Variants in ADHFE1 observed in about 807,000 individuals in gnomAD.
ADHFE1 encodes the protein alcohol dehydrogenase iron containing 1.
Under a neutral mutation model 54.8 loss-of-function variants are expected in ADHFE1, and 37 were observed. The ratio of observed to expected loss-of-function variants is 0.68; its 90% CI spans 0.52 to 0.89. The LOEUF is 0.89. ADHFE1 is among the 40% of genes least tolerant of loss of function. ADHFE1 has a pLI of 0.00. For missense variants in ADHFE1, 601 were observed against 591.2 expected, an observed-to-expected ratio of 1.02 and a Z score of -0.17; for synonymous variants, 203 against 229.3, an observed-to-expected ratio of 0.89 and a Z score of 1.04.
At chr8:66,441,904 G>A (rs1174519435) in intron 2 of ADHFE1, among the ~76,000 whole-genome samples, 4 of 151,304 alleles carry the variant, frequency 2.6e-5, no homozygotes, top group Admixed American at 1.3e-4. Context: ...CCTGGGAGGC[G>A]GAGGTTGCAG....
intron 13 of ADHFE1, among the ~76,000 whole-genome samples, chr8:66,467,027 G>GA (rs11343824): frequency 6.6e-6 from 1 of 151,818 alleles, no homozygotes; most frequent in South Asian, 2.1e-4. Context: ...GTTTATACTG[G>GA]AAAAAAATCA....
intron 1 of ADHFE1, among the ~76,000 whole-genome samples, chr8:66,438,327 A>G (rs562823267): frequency 6.6e-6 from 1 of 152,224 alleles, no homozygotes; most frequent in African/African-American, 2.4e-5. Context: ...AATGAGCTCT[A>G]AAGGGTGAGG....
chr8:66,447,327 TGAAAGTA>T lies in ADHFE1; in HGVS notation c.615_621del (p.Val207LeufsTer14). 1 of 1,613,270 alleles carries T rather than the reference TGAAAGTA, an allele frequency of 6.2e-7. No individual in the cohort carries two copies. The highest frequency in any genetic ancestry group is 8.5e-7 in the Non-Finnish European group (1 of 1,179,378). On this transcript the variant is annotated frameshift_variant, in exon 7 of 14. Transcript: ENST00000396623. LOFTEE classifies it high-confidence loss of function. ...GTTGCCATTTTTGACTATGAACACT[TGAAAGTA>T]AAAATTGGTAAGAACCATACTTTTG... is the stretch of plus-strand genomic sequence containing the variant.
rs1365713635 is a variant in ADHFE1, at chr8:66,444,578, A to G, written c.199-16A>G. 6.2e-7 allele frequency: 1 copy of G among 1,613,826 alleles called. No individual in the cohort carries two copies. Among genetic ancestry groups the G allele is most frequent in the Non-Finnish European group, 8.5e-7 (1 of 1,179,890 alleles). On this transcript the variant is annotated splice_polypyrimidine_tract_variant and intron_variant, in intron 4 of 13. Transcript: ENST00000396623. ...GTTCTAGTGGAGTTGAACCTAACTTATAGGTTTTCTTGTAGGACCTAAAAA... is the reference window on the plus strand; with the variant it reads ...GTTCTAGTGGAGTTGAACCTAACTTGTAGGTTTTCTTGTAGGACCTAAAAA...
chr8:66,466,955 T>C (rs994978746), intron 13 of ADHFE1, among the ~76,000 whole-genome samples: 6 of 152,178 alleles, frequency 3.9e-5, no homozygotes, highest in African/African-American at 1.2e-4. Flanking sequence ...GAGGCCATGG[T>C]TTTGTTGTAA....
intron 13 of ADHFE1, among the ~76,000 whole-genome samples, chr8:66,463,872 G>A (rs1807032782): frequency 6.6e-6 from 1 of 152,206 alleles, no homozygotes; most frequent in Admixed American, 6.5e-5. Context: ...ACCAAACACA[G>A]CCCATACTGG....
chr8:66,433,034 T>A, intron 1 of ADHFE1: 1 of 380,958 alleles, frequency 2.6e-6, no homozygotes, highest in Non-Finnish European at 3.6e-6. Flanking sequence ...AAACCGGCTA[T>A]AGCAGACTGG....
In ADHFE1 at chr8:66,457,096, G is replaced by A. The variant is rs369147635; in HGVS notation, c.1092G>A (p.Thr364=). Reference sequence around the variant, plus strand: ...CCCATGGCCTTTCTGTGGTGCTCACGTCCCCAGCGGTGTTCACTTTCACGG... The same window carrying A: ...CCCATGGCCTTTCTGTGGTGCTCACATCCCCAGCGGTGTTCACTTTCACGG... ...LVPHGLSVVL[T]SPAVFTFTAQ... is the part of the protein sequence containing the mutation. Residue 364 remains threonine, a synonymous_variant, in exon 12 of 14, where the codon ACG becomes ACA. Coordinates refer to ENST00000396623, the MANE Select transcript of ADHFE1 (RefSeq NM_144650.3). The A allele has an allele frequency of 8.7e-6, 14 of 1,613,400 alleles. No individual in the cohort carries two copies. The East Asian group carries it at 8.9e-5, about 10-fold the overall frequency.
chr8:66,455,009 G>T (rs1461766405), intron 10 of ADHFE1, among the ~76,000 whole-genome samples: 1 of 152,136 alleles, frequency 6.6e-6, no homozygotes, highest in South Asian at 2.1e-4. Flanking sequence ...GAGCCACCAC[G>T]CCCAGCCTAC....
intron 1 of ADHFE1, among the ~76,000 whole-genome samples, chr8:66,434,793 C>A (rs1227101679): frequency 2.0e-5 from 3 of 152,216 alleles, no homozygotes; most frequent in African/African-American, 7.2e-5. Flanking sequence ...TGGGAAGGCC[C>A]TGGAGGGCAA....
chr8:66,446,123 T>C (rs187037385), intron 6 of ADHFE1, among the ~76,000 whole-genome samples: 50 of 152,282 alleles, frequency 3.3e-4, no homozygotes, highest in African/African-American at 1.1e-3. Flanking sequence ...TCCTGCCCTA[T>C]TGTGAAGAGG....
At position 66,443,264 on chromosome 8, in the gene ADHFE1, ATTTTTTTTTTTTTTTTTTTT is replaced by A. The variant is rs540464621; in HGVS notation, c.144+433_144+452del. 3.5e-5 allele frequency among the ~76,000 whole-genome samples: 3 copies of A among 86,094 alleles called. No homozygotes were observed. The South Asian group carries it at 1.1e-3, about 31-fold the overall frequency. The allele number at this position is 86,094 out of a possible 152,430, so 56.5% of individuals were successfully genotyped here. On this transcript the variant is annotated intron_variant, in intron 3 of 13. Transcript: ENST00000396623. Reference sequence around the variant, plus strand: ...GTCCCTGTCTCCTCCTAGTCCAGGAATTTTTTTTTTTTTTTTTTTTTTTTTTTTTTTTGGAGACAGCCTCA... The same window carrying A: ...GTCCCTGTCTCCTCCTAGTCCAGGAATTTTTTTTTTTTGGAGACAGCCTCA...
At chr8:66,451,794 C>T (rs1806315457) in intron 8 of ADHFE1, among the ~76,000 whole-genome samples, 159 bp from the exon 9 acceptor site, 1 of 152,080 alleles carries the variant, frequency 6.6e-6, no homozygotes, top group Non-Finnish European at 1.5e-5. Context: ...CTGTTGCAGG[C>T]AAGAGGTGGG....
chr8:66,452,833 A>G (rs1008635622), intron 9 of ADHFE1, among the ~76,000 whole-genome samples: 2 of 152,254 alleles, frequency 1.3e-5, no homozygotes, highest in African/African-American at 4.8e-5. Flanking sequence ...GCAAAGATAT[A>G]CTTAGGATGA....
At chr8:66,450,480 A>AGGAGTTACCT (rs1463147345) in intron 8 of ADHFE1, among the ~76,000 whole-genome samples, 1 of 152,254 alleles carries the variant, frequency 6.6e-6, no homozygotes, top group Non-Finnish European at 1.5e-5. Context: ...GCCATGTATT[A>AGGAGTTACCT]AATCTTCGAG....
rs1044701069 is a variant in ADHFE1, at chr8:66,444,779, A to G, written c.353+31A>G. 1.9e-6 allele frequency: 3 copies of G among 1,612,018 alleles called. No individual in the cohort carries two copies. In the Admixed American group the frequency reaches 5.0e-5, roughly 27 times the overall value. On this transcript the variant is annotated intron_variant, in intron 5 of 13. Transcript: ENST00000396623. ...CTTGTATTGTTGTTATTGTTTCTTT[A>G]CTTTAAGCAGAAGCTAACTGTTGAT... is the stretch of plus-strand genomic sequence containing the variant.
intron 8 of ADHFE1, among the ~76,000 whole-genome samples, chr8:66,449,442 C>T (rs145911705): frequency 3.7e-4 from 57 of 152,354 alleles, no homozygotes; most frequent in African/African-American, 1.3e-3. Flanking sequence ...CCAGAGCACC[C>T]CCAGACCATG....
At chr8:66,450,485 T>C (rs1462893432) in intron 8 of ADHFE1, among the ~76,000 whole-genome samples, 1 of 152,208 alleles carries the variant, frequency 6.6e-6, no homozygotes, top group African/African-American at 2.4e-5. Context: ...GTATTAAATC[T>C]TCGAGGTAAC....
At position 66,460,488 on chromosome 8, in the gene ADHFE1, A is replaced by G. The variant is rs1190473782; in HGVS notation, c.1320+23A>G. On this transcript the variant is annotated intron_variant, in intron 13 of 13. Coordinates refer to ENST00000396623, the MANE Select transcript of ADHFE1 (RefSeq NM_144650.3). The stretch of plus-strand genomic sequence containing the variant: ...CAGGTAAGAGACCGGCAGGCTCCTC[A>G]CTCCCTGCGAAGGAGCCTAGCGCCT... 5 of 1,549,124 alleles carry G rather than the reference A, an allele frequency of 3.2e-6. No individual in the cohort carries two copies. In the African/African-American group the frequency reaches 5.5e-5, roughly 17 times the overall value.
Sources: allele counts gnomAD v4.1 joint callset (sites outside exome capture counted in the v4.1 genomes callset), GRCh38; gene constraint gnomAD v4.1.1; transcripts MANE v1.5; gene names NCBI Gene and HGNC (gene_info 2026-07-23, HGNC 2026-07-21).